Variants in DCTN1 observed in about 807,000 individuals in gnomAD.
The protein encoded by DCTN1 is dynactin subunit 1, also known as 150 kDa dynein-associated polypeptide.
DCTN1 carries 61 observed loss-of-function variants against 161.2 expected under a neutral mutation model. The observed-to-expected ratio is 0.38, with a 90% CI of 0.31 to 0.47. DCTN1 has a LOEUF of 0.47. Ranked by LOEUF, DCTN1 falls within the 20% of genes least tolerant of loss-of-function variation. The pLI, the probability that DCTN1 is intolerant of heterozygous loss-of-function variation, is 0.99. For synonymous variants in DCTN1, 653 were observed against 632.4 expected, an observed-to-expected ratio of 1.03 and a Z score of -0.49; for missense variants, 1,404 against 1,623.7, an observed-to-expected ratio of 0.86 and a Z score of 2.33.
At position 74,363,296 on chromosome 2, in the gene DCTN1, T is replaced by C; in HGVS notation, c.3343A>G (p.Lys1115Glu). 1 of 1,613,884 alleles carries C rather than the reference T, an allele frequency of 6.2e-7. No homozygotes were observed. The highest frequency in any genetic ancestry group is 2.2e-5 in the East Asian group (1 of 44,882). Residue 1115 changes from lysine (K) to glutamate (E), a missense_variant and splice_region_variant, in exon 28 of 32, where the codon AAG becomes GAG. Around this residue, in one of 9 missense-constraint regions of DCTN1, gnomAD observed 311 missense variants for 298.9 expected, o/e 1.04. Transcript: ENST00000628224. The stretch of plus-strand genomic sequence containing the variant: ...AGTCCTCCCCGTGGCTCCCTCACCT[T>C]GAGGATGCTGTTCTCATGCTGGAGC... ...SQLQHENSIL[K>E]GAQMKASLAS... is the part of the protein sequence containing the mutation.
chr2:74,371,849 G>GA lies in DCTN1; in HGVS notation c.454-122dup, dbSNP rs1437885593. On this transcript the variant is annotated intron_variant, in intron 7 of 31. Coordinates refer to ENST00000628224, the MANE Select transcript of DCTN1 (RefSeq NM_004082.5). ...AGACAGAAAAGGGAAAAAGCAGAAAGAGAGTATCAAAGCACAGTGAGAAAA... is the reference window on the plus strand; with the variant it reads ...AGACAGAAAAGGGAAAAAGCAGAAAGAAGAGTATCAAAGCACAGTGAGAAAA... 5 of 805,766 alleles carry GA rather than the reference G, an allele frequency of 6.2e-6. No individual in the cohort carries two copies. The African/African-American group carries it at 8.9e-5, about 14-fold the overall frequency. 49.9% of individuals were successfully genotyped at this position (805,766 alleles called of 1,614,324 possible).
At chr2:74,365,463 C>T (rs1674335180) in intron 25 of DCTN1, 52 bp downstream of exon 25, 1 of 1,613,626 alleles carries the variant, frequency 6.2e-7, no homozygotes, top group East Asian at 2.2e-5. Flanking sequence ...AGGCAGAGAG[C>T]TCCAGCAGTG....
chr2:74,362,406 G>T lies in DCTN1; in HGVS notation c.3609+244C>A, dbSNP rs114798160. Among the ~76,000 whole-genome samples the T allele has an allele frequency of 0.039, 5,990 of 152,214 alleles. 405 individuals carry two copies. Among genetic ancestry groups the T allele is most frequent in the African/African-American group, 0.14 (5,650 of 41,500 alleles). On this transcript the variant is annotated intron_variant, in intron 30 of 31. Coordinates refer to ENST00000628224, the MANE Select transcript of DCTN1 (RefSeq NM_004082.5). ...CGTTCTACCCCACAATGATCTCAGC[G>T]CTGATGGAAGCTAAAGCCTGAACCA...
At position 74,380,056 on chromosome 2, in the gene DCTN1, AC is replaced by A. The variant is rs1658492780; in HGVS notation, c.-20del. 2 of 1,613,546 alleles carry A rather than the reference AC, an allele frequency of 1.2e-6. No homozygotes were observed. Among genetic ancestry groups the A allele is most frequent in the Non-Finnish European group, 1.7e-6 (2 of 1,179,896 alleles). On this transcript the variant is annotated 5_prime_UTR_variant, in exon 1 of 32. Transcript: ENST00000628224. ...GTGCCATGTTGCTCACCCGGCCTCTACCCCCTCCCCCAGCTGGCCAAAGACA... is the reference window on the plus strand; with the variant it reads ...GTGCCATGTTGCTCACCCGGCCTCTACCCCTCCCCCAGCTGGCCAAAGACA...
intron 26 of DCTN1, chr2:74,364,584 A>T (rs1020852256): frequency 5.2e-5 from 13 of 247,870 alleles, no homozygotes; most frequent in Non-Finnish European, 1.0e-4. Context: ...GTCAAAACAC[A>T]AGCCCCAAGT....
chr2:74,371,333 A>T (rs1304750214), intron 8 of DCTN1, 157 bp from the exon 9 acceptor site: 1 of 1,524,530 alleles, frequency 6.6e-7, no homozygotes, highest in African/African-American at 1.4e-5. Flanking sequence ...AAACCGTAGC[A>T]CAGTATATAT....
rs770601874 is a variant in DCTN1 at position 74,370,087 on chromosome 2, T to C, written c.1288-18A>G. 14 of 1,613,884 alleles carry C rather than the reference T, an allele frequency of 8.7e-6. No homozygotes were observed. Among genetic ancestry groups the C allele is most frequent in the African/African-American group, 4.0e-5 (3 of 74,862 alleles). Reference sequence around the variant, plus strand: ...GCATCCACCTGTGTTACGGGGAGGATAGGGAGAAGGGCTGCTGGAAGGTAC... The same window carrying C: ...GCATCCACCTGTGTTACGGGGAGGACAGGGAGAAGGGCTGCTGGAAGGTAC... On this transcript the variant is annotated intron_variant, in intron 12 of 31. Coordinates refer to ENST00000628224, the MANE Select transcript of DCTN1 (RefSeq NM_004082.5). The surrounding 1 kb of genome is among the most constrained non-coding windows in gnomAD (Gnocchi z 4.4).
chr2:74,372,972 A>T, intron 6 of DCTN1, 24 bp from the exon 7 acceptor site: 1 of 1,613,304 alleles, frequency 6.2e-7, no homozygotes, highest in Non-Finnish European at 8.5e-7. Context: ...AGGAGCCAGA[A>T]GAGAAGTAGT....
chr2:74,366,360 AG>A lies in DCTN1; in HGVS notation c.2643del (p.Ser882ProfsTer19). On this transcript the variant is annotated frameshift_variant, in exon 23 of 32. Transcript: ENST00000628224. LOFTEE classifies it high-confidence loss of function. ...CGCAGACACTCATAGGGGCTGCTGG[AG>A]GGGGTCCCATAGATCTGCAGGAGCC... ...FKASEQIYGT[P>X]SSSPYECLRQ... 1 of 1,614,182 alleles carries A rather than the reference AG, an allele frequency of 6.2e-7. No individual in the cohort carries two copies. Among genetic ancestry groups the A allele is most frequent in the Non-Finnish European group, 8.5e-7 (1 of 1,180,026 alleles).
intron 16 of DCTN1, 78 bp downstream of exon 16, chr2:74,368,650 C>T (rs1468047841): frequency 6.2e-7 from 1 of 1,602,626 alleles, no homozygotes; most frequent in Non-Finnish European, 8.5e-7. Flanking sequence ...ACTCTGTTGT[C>T]TTCACTCAGC....
chr2:74,388,351 T>C (rs1271345337), intron 1 of DCTN1, among the ~76,000 whole-genome samples: 1 of 152,196 alleles, frequency 6.6e-6, no homozygotes, highest in Non-Finnish European at 1.5e-5. Flanking sequence ...CACTCCAGCC[T>C]GGGCAGCATA....
intron 1 of DCTN1, 104 bp from the exon 2 acceptor site, chr2:74,378,349 C>G (rs1252656498): frequency 1.4e-6 from 2 of 1,457,292 alleles, no homozygotes; most frequent in Non-Finnish European, 1.9e-6. Context: ...GAAAAACAAC[C>G]AGAGTCATTT....
At chr2:74,380,383 G>A (rs567796319), upstream of DCTN1, 1 of 506,062 alleles carries the variant, frequency 2.0e-6, no homozygotes, top group African/African-American at 1.9e-5. Context: ...TGCTTCACGT[G>A]GGCCAGAAAC....
chr2:74,366,698 C>G, intron 21 of DCTN1, 78 bp from the exon 22 acceptor site: 1 of 1,614,074 alleles, frequency 6.2e-7, no homozygotes, highest in Non-Finnish European at 8.5e-7. Context: ...CCATTTTTGT[C>G]CCCTAACCAG....
Position 74,391,692 on chromosome 2 carries a change from C to T in DCTN1, c.-19+102G>A, listed in dbSNP as rs114073742. ...GACAAGCGCCCACCCCTGCCAGTCC[C>T]CGCCCCGCACACCGGGCTCGGTCCC... On this transcript the variant is annotated intron_variant, in intron 1 of 27. Coordinates refer to the DCTN1 transcript ENST00000409240. 1.2e-3 allele frequency: 507 copies of T among 414,762 alleles called. 4 individuals carry two copies. Among genetic ancestry groups the T allele is most frequent in the African/African-American group, 9.8e-3 (477 of 48,588 alleles). The allele number at this position is 414,762 out of a possible 1,614,324, so 25.7% of individuals were successfully genotyped here. A position where few individuals can be genotyped will look rare whatever the true frequency, so the allele number is the denominator to read the frequency against.
rs1674341242 is a variant in DCTN1 at position 74,365,546 on chromosome 2, C to A, written c.2998G>T (p.Glu1000Ter). 6.2e-7 allele frequency: 1 copy of A among 1,614,010 alleles called. No individual in the cohort carries two copies. The change falls in exon 25 of 32, where the codon GAG (glutamate) becomes TAG (stop). Residue 1000 changes from glutamate (E) to a stop codon, truncating the protein, a stop_gained. Transcript: ENST00000628224. LOFTEE classifies it high-confidence loss of function. ...RIEKVQTRLEETQALLRKKEK... is the reference protein window; with the variant it reads ...RIEKVQTRLE The stretch of plus-strand genomic sequence containing the variant: ...TTCTTTCGCAGCAGTGCCTGGGTCT[C>A]CTCCAGCCGAGTCTGGACTTTCTCG...
Position 74,368,096 on chromosome 2 carries a change from A to G in DCTN1, c.1890T>C (p.Phe630=), listed in dbSNP as rs769217626. 1 of 1,603,318 alleles carries G rather than the reference A, an allele frequency of 6.2e-7. No individual in the cohort carries two copies. Among genetic ancestry groups the G allele is most frequent in the Non-Finnish European group, 8.5e-7 (1 of 1,174,606 alleles). The change falls in exon 17 of 32, where the codon TTT becomes TTC. Residue 630 remains phenylalanine, a synonymous_variant. Coordinates refer to ENST00000628224, the MANE Select transcript of DCTN1 (RefSeq NM_004082.5). ...GCTCTGAACAGTTCTCACTTAGTTC[A>G]AACTTCTCCTGGGCCTGCTTCCGGA... ...ELIRKQAQEK[F]ELSENCSERP... is the part of the protein sequence containing the mutation.
At chr2:74,390,954 C>G (rs535120843) in intron 1 of DCTN1, among the ~76,000 whole-genome samples, 1 of 152,292 alleles carries the variant, frequency 6.6e-6, no homozygotes, top group East Asian at 1.9e-4. Context: ...CATACCATAC[C>G]CCCAGTTGGA....
chr2:74,386,448 A>G (rs549220049), intron 1 of DCTN1: 1 of 152,360 alleles, frequency 6.6e-6, no homozygotes, highest in Admixed American at 6.5e-5. Context: ...CCTTGTATAA[A>G]GCACTCAATA....
Sources: gnomAD v4.1 joint callset for allele counts (sites outside exome capture counted in the v4.1 genomes callset) on GRCh38, gnomAD v4.1.1 for gene constraint, gnomAD v4.1.1 regional missense constraint, Gnocchi (gnomAD v3.1) non-coding constraint, MANE v1.5 for transcripts, NCBI Gene and HGNC (gene_info 2026-07-23, HGNC 2026-07-21) for gene names.